The following FRYL variants were observed in gnomAD, a reference collection of about 807,000 sequenced individuals.
The protein encoded by FRYL is protein furry homolog-like.
A neutral mutation model predicts 351.2 loss-of-function variants in FRYL; 150 were observed. The ratio of observed to expected loss-of-function variants is 0.43; its 90% CI spans 0.37 to 0.49. The LOEUF is 0.49. Ranked by LOEUF, FRYL falls within the 20% of genes least tolerant of loss-of-function variation. The pLI is 0.00. For synonymous variants in FRYL, 1,153 were observed against 1,257.1 expected, an observed-to-expected ratio of 0.92 and a Z score of 1.75; for missense variants, 3,036 against 3,619.3, an observed-to-expected ratio of 0.84 and a Z score of 4.13.
At chr4:48,503,167 A>T (rs2148710236) in intron 60 of FRYL, among the ~76,000 whole-genome samples, 1 of 152,200 alleles carries the variant, frequency 6.6e-6, no homozygotes, top group Non-Finnish European at 1.5e-5. Context: ...TTTAAAAAAA[A>T]AAAAACCAAA....
At chr4:48,605,421 T>C (rs1391789805) in intron 11 of FRYL, among the ~76,000 whole-genome samples, 4 of 152,232 alleles carry the variant, frequency 2.6e-5, no homozygotes, top group Non-Finnish European at 5.9e-5. Flanking sequence ...ATGTAATACA[T>C]TTCTTCATTT....
At chr4:48,738,711 C>A (rs918123478) in intron 1 of FRYL, among the ~76,000 whole-genome samples, 10 of 149,142 alleles carry the variant, frequency 6.7e-5, no homozygotes, top group Non-Finnish European at 1.5e-4. Flanking sequence ...CGCTATGCTG[C>A]CCAGGCTATT....
At position 48,582,824 on chromosome 4, in the gene FRYL, G is replaced by A. The variant is rs1014919787; in HGVS notation, c.1749-90C>T. On this transcript the variant is annotated intron_variant, in intron 19 of 63. Coordinates refer to ENST00000358350, the MANE Select transcript of FRYL (RefSeq NM_015030.2). ...TTAAAACTATGACCTTAAAATAAAT[G>A]TCCTCTTAGTTGTTTTGTAAGAAAT... 25 of 823,146 alleles carry A rather than the reference G, an allele frequency of 3.0e-5. 3 individuals carry two copies. The highest frequency in any genetic ancestry group is 3.4e-5 in the Non-Finnish European group (17 of 500,358). 51.0% of individuals were successfully genotyped at this position (823,146 alleles called of 1,614,324 possible).
chr4:48,624,868 C>T (rs1751450997), intron 4 of FRYL, among the ~76,000 whole-genome samples: 1 of 152,196 alleles, frequency 6.6e-6, no homozygotes, highest in African/African-American at 2.4e-5. Context: ...AGGTGACCTT[C>T]CCATAAGTAA....
At chr4:48,599,322 A>T (rs2149242525) in intron 13 of FRYL, among the ~76,000 whole-genome samples, 1 of 152,334 alleles carries the variant, frequency 6.6e-6, no homozygotes, top group Admixed American at 6.5e-5. Context: ...GGAATGGGAG[A>T]ATACCAAATT....
rs780308698 is a variant in FRYL at position 48,556,477 on chromosome 4, A to G, written c.4266+501T>C. ...TTCCAGCAGCCTGAAGGACAATCCTACGTGCACTGAGCTCACACTCACCAT... is the reference window on the plus strand; with the variant it reads ...TTCCAGCAGCCTGAAGGACAATCCTGCGTGCACTGAGCTCACACTCACCAT... On this transcript the variant is annotated intron_variant, in intron 35 of 63. Coordinates refer to ENST00000358350, the MANE Select transcript of FRYL (RefSeq NM_015030.2). Among the ~76,000 whole-genome samples the G allele has an allele frequency of 1.5e-4, 23 of 152,160 alleles. 1 individual carries two copies. The highest frequency in any genetic ancestry group is 5.6e-4 in the African/African-American group (23 of 41,440).
At chr4:48,775,367 T>TAA (rs1775908894) in intron 1 of FRYL, among the ~76,000 whole-genome samples, 1 of 152,246 alleles carries the variant, frequency 6.6e-6, no homozygotes, top group Non-Finnish European at 1.5e-5. Flanking sequence ...AACTTAATCT[T>TAA]ACCCTCAATG....
At chr4:48,671,867 A>AAAC (rs1762782496) in intron 3 of FRYL, among the ~76,000 whole-genome samples, 1 of 126,994 alleles carries the variant, frequency 7.9e-6, no homozygotes. Flanking sequence ...ACAAAAAAAA[A>AAAC]AAAAACAAAA....
chr4:48,525,077 AAAG>A (rs1164020823), intron 53 of FRYL, among the ~76,000 whole-genome samples: 2 of 150,874 alleles, frequency 1.3e-5, no homozygotes, highest in South Asian at 4.2e-4. Context: ...AAAAAAAAAA[AAAG>A]AATGAAAAGG....
intron 1 of FRYL, among the ~76,000 whole-genome samples, chr4:48,730,771 A>G (rs533957915): frequency 6.6e-6 from 1 of 152,316 alleles, no homozygotes; most frequent in South Asian, 2.1e-4. Flanking sequence ...AACATGCCAA[A>G]TTGTAAAGAC....
Position 48,561,479 on chromosome 4 carries a change from G to C in FRYL, c.3854C>G (p.Ala1285Gly). ...LARAYPELTL[A>G]IFSEISQRIQ... ...TTCATTGATCATACCTGAGAATATG[G>C]CGAGAGTTAGCTCAGGATACGCCCT... Residue 1285 changes from alanine (A) to glycine (G), a missense_variant, in exon 33 of 64, where the codon GCC becomes GGC. This residue lies in a region of FRYL where 1,987 missense variants were observed against 2,311.7 expected (regional missense o/e 0.86). Coordinates refer to ENST00000358350, the MANE Select transcript of FRYL (RefSeq NM_015030.2). 6.3e-7 allele frequency: 1 copy of C among 1,592,438 alleles called. No homozygotes were observed. The highest frequency in any genetic ancestry group is 1.2e-5 in the South Asian group (1 of 86,238).
intron 4 of FRYL, among the ~76,000 whole-genome samples, chr4:48,625,646 T>C (rs1426122221): frequency 9.2e-5 from 14 of 152,270 alleles, no homozygotes; most frequent in Admixed American, 6.5e-4. Flanking sequence ...TATATGCAAA[T>C]ACCACGCCAT....
chr4:48,605,782 G>A lies in FRYL; in HGVS notation c.793C>T (p.Leu265Phe). Reference protein sequence around the residue: ...EVKDKDIKHALAGLFVEILIP... With the variant: ...EVKDKDIKHAFAGLFVEILIP... Reference sequence around the variant, plus strand: ...AGAATCTCCACAAATAAACCAGCAAGTGCATGTTTTATATCTTTATCTTTC... The same window carrying A: ...AGAATCTCCACAAATAAACCAGCAAATGCATGTTTTATATCTTTATCTTTC... The change falls in exon 11 of 64, where the codon CTT (leucine) becomes TTT (phenylalanine). Residue 265 changes from leucine (L) to phenylalanine (F), a missense_variant. Leu to Phe is a conservative substitution (Grantham distance 22). Coordinates refer to ENST00000358350, the MANE Select transcript of FRYL (RefSeq NM_015030.2). 6.2e-7 allele frequency: 1 copy of A among 1,609,606 alleles called. No homozygotes were observed. Among genetic ancestry groups the A allele is most frequent in the Non-Finnish European group, 8.5e-7 (1 of 1,176,616 alleles).
At position 48,542,054 on chromosome 4, in the gene FRYL, T is replaced by C. The variant is rs1433810993; in HGVS notation, c.5660A>G (p.His1887Arg). ...AIDTLAETMK[H>R]YDLLSALSQT... ...AGAAAGGGCAGAAAGAAGATCATAA[T>C]GCTTCATGGTTTCAGCCAAAGTATC... Residue 1887 changes from histidine to arginine, a missense_variant, in exon 45 of 64, where the codon CAT (histidine) becomes CGT (arginine). Transcript: ENST00000358350. 30 of 1,613,518 alleles carry C rather than the reference T, an allele frequency of 1.9e-5. No homozygotes were observed. Among genetic ancestry groups the C allele is most frequent in the Non-Finnish European group, 2.4e-5 (28 of 1,179,582 alleles).
intron 1 of FRYL, among the ~76,000 whole-genome samples, chr4:48,750,079 A>G (rs1382150827): frequency 6.6e-6 from 1 of 151,554 alleles, no homozygotes; most frequent in Non-Finnish European, 1.5e-5. Flanking sequence ...GGCTACAGTA[A>G]GCTGTGATCA....
At chr4:48,542,772 T>C (rs1238243765) in intron 44 of FRYL, among the ~76,000 whole-genome samples, 1 of 152,144 alleles carries the variant, frequency 6.6e-6, no homozygotes, top group Non-Finnish European at 1.5e-5. Context: ...TCTACCTCCA[T>C]AACTTCCCTT....
chr4:48,691,026 C>A (rs553856931), intron 2 of FRYL, among the ~76,000 whole-genome samples: 1 of 152,250 alleles, frequency 6.6e-6, no homozygotes, highest in East Asian at 1.9e-4. Context: ...CTTAGAGAAG[C>A]CTGACTTCTG....
chr4:48,667,188 G>A (rs1455245328), intron 3 of FRYL, among the ~76,000 whole-genome samples: 2 of 152,120 alleles, frequency 1.3e-5, no homozygotes, highest in Admixed American at 6.5e-5. Context: ...GTAGCAGGAT[G>A]GGGTGGGAGA....
At chr4:48,647,453 C>CAAATATTTGACCAAA (rs1756742730) in intron 3 of FRYL, among the ~76,000 whole-genome samples, 3 of 152,132 alleles carry the variant, frequency 2.0e-5, no homozygotes, top group Non-Finnish European at 4.4e-5. Flanking sequence ...ATATTTTGAC[C>CAAATATTTGACCAAA]ATCTATGTTG....
Sources: allele counts gnomAD v4.1 joint callset (sites outside exome capture counted in the v4.1 genomes callset), GRCh38; gene constraint gnomAD v4.1.1; regional missense constraint gnomAD v4.1.1; transcripts MANE v1.5; gene names NCBI Gene and HGNC (gene_info 2026-07-23, HGNC 2026-07-21).